ZNF451: variants seen among roughly 807,000 people sequenced by gnomAD.
The protein encoded by ZNF451 is zinc finger protein 451.
Under a neutral mutation model 107.1 loss-of-function variants are expected in ZNF451, and 80 were observed. The ratio of observed to expected loss-of-function variants is 0.75; its 90% CI spans 0.62 to 0.90. The LOEUF (loss-of-function observed/expected upper bound fraction) is 0.90, where lower values mean the gene tolerates loss of function less well. Ranked by LOEUF, ZNF451 falls within the 40% of genes least tolerant of loss-of-function variation. The pLI, the probability that ZNF451 is intolerant of heterozygous loss-of-function variation, is 0.00. For synonymous variants in ZNF451, 362 were observed against 406.5 expected (o/e 0.89, Z 1.32); for missense variants, 1,107 against 1,236.2 (o/e 0.90, Z 1.57).
chr6:57,105,868 TATC>T, intron 3 of ZNF451: 2 of 984,382 alleles, frequency 2.0e-6, no homozygotes, highest in Non-Finnish European at 2.4e-6. Flanking sequence ...ACAGCTTCCT[TATC>T]AGTATAATTA....
intron 2 of ZNF451, among the ~76,000 whole-genome samples, chr6:57,096,858 C>T (rs1300742527): frequency 6.7e-6 from 1 of 148,320 alleles, no homozygotes; most frequent in Admixed American, 6.8e-5. Flanking sequence ...TCACTGCAGC[C>T]TCTGCCTCCT....
chr6:57,100,785 T>A, intron 3 of ZNF451: 1 of 1,548,888 alleles, frequency 6.5e-7, no homozygotes, highest in Non-Finnish European at 8.7e-7. Flanking sequence ...AGAAAAATGA[T>A]CAAAATAATT....
At chr6:57,105,150 C>T in intron 3 of ZNF451, 2 of 985,356 alleles carry the variant, frequency 2.0e-6, no homozygotes, top group Non-Finnish European at 2.4e-6. Context: ...TGTTCAGAAC[C>T]TGCAACAAAA....
chr6:57,106,218 A>G (rs374146109), intron 3 of ZNF451: 1 of 985,194 alleles, frequency 1.0e-6, no homozygotes, highest in African/African-American at 1.7e-5. Flanking sequence ...ATTCTTGAAG[A>G]TATAACTAGT....
intron 3 of ZNF451, chr6:57,115,133 G>T (rs896477164): frequency 6.6e-6 from 1 of 152,116 alleles, no homozygotes; most frequent in Admixed American, 6.5e-5. Context: ...GTTGGTACAT[G>T]CCTGTAGGCC....
chr6:57,148,153 C>A lies in ZNF451; in HGVS notation c.2068C>A (p.His690Asn). ...ATTTCTGAGTCATTATGAGGAGCAC[C>A]ACAGCATAGATTATGTATTTGTGTC... ...EAFLSHYEEHHSIDYVFVSEK... is the reference protein window; with the variant it reads ...EAFLSHYEEHNSIDYVFVSEK... The change falls in exon 10 of 15, where the codon CAC becomes AAC. Residue 690 changes from histidine (H) to asparagine (N), a missense_variant. Coordinates refer to ENST00000370706, the MANE Select transcript of ZNF451 (RefSeq NM_001031623.3). 6.2e-7 allele frequency: 1 copy of A among 1,613,980 alleles called. No individual in the cohort carries two copies. Among genetic ancestry groups the A allele is most frequent in the East Asian group, 2.2e-5 (1 of 44,872 alleles).
chr6:57,092,675 G>A (rs966873547), intron 2 of ZNF451: 2 of 152,132 alleles, frequency 1.3e-5, no homozygotes, highest in Non-Finnish European at 2.9e-5. Flanking sequence ...ATTCAGTAAA[G>A]ATGAAAAAGT....
chr6:57,101,481 C>T, intron 3 of ZNF451: 1 of 1,550,902 alleles, frequency 6.4e-7, no homozygotes, highest in Non-Finnish European at 8.7e-7. Context: ...TAGAACACAG[C>T]AAAAGAGGAA....
chr6:57,118,562 A>G lies in ZNF451; in HGVS notation c.187-6172A>G, dbSNP rs183775825. 4.7e-3 allele frequency among the ~76,000 whole-genome samples: 719 copies of G among 152,084 alleles called. 8 individuals are homozygous for G. Among genetic ancestry groups the G allele is most frequent in the Non-Finnish European group, 5.8e-3 (393 of 67,990 alleles). The stretch of plus-strand genomic sequence containing the variant: ...CCCAGGCTGGATCATAGCTCTTTGG[A>G]GCCTCGATCTCCTGGGCTCAAGCAA... On this transcript the variant is annotated intron_variant, in intron 3 of 14. Transcript: ENST00000370706.
chr6:57,114,828 T>C (rs1253679283), intron 3 of ZNF451: 1 of 152,178 alleles, frequency 6.6e-6, no homozygotes, highest in Non-Finnish European at 1.5e-5. Context: ...TTACATATGC[T>C]GATTGTAGAA....
intron 2 of ZNF451, chr6:57,092,671 T>G (rs1829104602): frequency 6.6e-6 from 1 of 152,206 alleles, no homozygotes; most frequent in South Asian, 2.1e-4. Context: ...GCTTATTCAG[T>G]AAAGATGAAA....
chr6:57,101,762 T>C, intron 3 of ZNF451: 1 of 1,550,610 alleles, frequency 6.4e-7, no homozygotes, highest in South Asian at 1.2e-5. Context: ...GTCAGAGTTA[T>C]GGCCATGGCC....
At chr6:57,107,185 A>C in intron 3 of ZNF451, 1 of 985,352 alleles carries the variant, frequency 1.0e-6, no homozygotes, top group Non-Finnish European at 1.2e-6. Flanking sequence ...TTAGCATATC[A>C]GTTATTCTAT....
At chr6:57,094,746 A>G (rs1829208640) in intron 2 of ZNF451, among the ~76,000 whole-genome samples, 1 of 152,158 alleles carries the variant, frequency 6.6e-6, no homozygotes, top group Non-Finnish European at 1.5e-5. Context: ...GAGGTAGTCC[A>G]TTTTCTCTTA....
intron 12 of ZNF451, among the ~76,000 whole-genome samples, chr6:57,152,765 T>C (rs1046458119): frequency 6.6e-6 from 1 of 152,072 alleles, no homozygotes; most frequent in African/African-American, 2.4e-5. Context: ...AGCTAATACT[T>C]GTATTTTTAG....
chr6:57,124,702 TAAAAG>T (rs1343109355), intron 3 of ZNF451, 27 bp from the exon 4 acceptor site: 4 of 1,475,232 alleles, frequency 2.7e-6, no homozygotes, highest in African/African-American at 1.4e-5. Flanking sequence ...CTAATTTTGT[TAAAAG>T]GAATGAAAAT....
chr6:57,141,461 T>A lies in ZNF451; in HGVS notation c.856+6T>A. On this transcript the variant is annotated splice_donor_region_variant and intron_variant, in intron 8 of 14. Coordinates refer to ENST00000370706, the MANE Select transcript of ZNF451 (RefSeq NM_001031623.3). ...TCAGAGTTTCAAACTGGGTGGTATG[T>A]TAATACTCTCTTCTGCTGAAAATTA... The A allele has an allele frequency of 6.2e-7, 1 of 1,600,960 alleles. No individual in the cohort carries two copies. The highest frequency in any genetic ancestry group is 1.1e-5 in the South Asian group (1 of 88,586).
At chr6:57,124,341 T>C (rs1830807689) in intron 3 of ZNF451, 1 of 696,868 alleles carries the variant, frequency 1.4e-6, no homozygotes, top group Non-Finnish European at 2.6e-6. Context: ...CATTAGAGTT[T>C]AGTTTCCTAT....
intron 3 of ZNF451, chr6:57,124,312 C>T (rs765699440): frequency 7.6e-6 from 5 of 658,264 alleles, no homozygotes; most frequent in Non-Finnish European, 1.1e-5. Flanking sequence ...AACTCTCAGG[C>T]TCGTCCACGC....
Sources: gnomAD v4.1 joint callset for allele counts (sites outside exome capture counted in the v4.1 genomes callset) on GRCh38, gnomAD v4.1.1 for gene constraint, MANE v1.5 for transcripts, NCBI Gene and HGNC (gene_info 2026-07-23, HGNC 2026-07-21) for gene names.